Variants in TTN observed in about 807,000 individuals in gnomAD.
TTN encodes titin, also known as connectin.
TTN carries 1,525 observed loss-of-function variants against 3,223.0 expected under a neutral mutation model. The observed-to-expected ratio is 0.47, with a 90% CI of 0.45 to 0.49. The LOEUF is 0.49. TTN is among the 20% of genes least tolerant of loss of function. The pLI, the probability that TTN is intolerant of heterozygous loss-of-function variation, is 0.00. For synonymous variants in TTN, 14,094 were observed against 15,161.0 expected (o/e 0.93, Z 5.17); for missense variants, 40,786 against 43,424.0 (o/e 0.94, Z 5.40).
In TTN at chr2:178,560,259, C is replaced by T; in HGVS notation, c.85873G>A (p.Val28625Ile). 1 of 1,613,804 alleles carries T rather than the reference C, an allele frequency of 6.2e-7. No individual in the cohort carries two copies. Among genetic ancestry groups the T allele is most frequent in the Non-Finnish European group, 8.5e-7 (1 of 1,179,798 alleles). Residue 28625 changes from valine to isoleucine, a missense_variant, in exon 326 of 363, where the codon GTT becomes ATT. Physicochemically the swap from Val to Ile is conservative, Grantham distance 29. Coordinates refer to ENST00000589042, the MANE Select transcript of TTN (RefSeq NM_001267550.2). ...AGGCCAGCAGCATTTTCTGCATAAA[C>T]ACGATATTCATATTCACATCCTTCC... is the stretch of plus-strand genomic sequence containing the variant. ...LREGCEYEYR[V>I]YAENAAGLSL...
At chr2:178,554,242 G>C in intron 332 of TTN, 26 bp from the exon 333 acceptor site, 1 of 1,546,092 alleles carries the variant, frequency 6.5e-7, no homozygotes, top group Non-Finnish European at 8.7e-7. Context: ...GGGAAAACAA[G>C]GTACAAGAAT....
rs1288024478 is a variant in TTN at position 178,577,434 on chromosome 2, A to G, written c.68901T>C (p.Asn22967=). The G allele has an allele frequency of 6.2e-7, 1 of 1,610,166 alleles. No individual in the cohort carries two copies. Among genetic ancestry groups the G allele is most frequent in the Non-Finnish European group, 8.5e-7 (1 of 1,177,896 alleles). ...TIKAGDTIVL[N]AISILGKPLP... ...GGGGTTTGCCAAGAATGCTAATGGC[A>G]TTCAAAACAATGGTATCCCCTGCTT... The change falls in exon 324 of 363, where the codon AAT becomes AAC. Residue 22967 remains asparagine (N), a synonymous_variant. Transcript: ENST00000589042.
intron 361 of TTN, 161 bp downstream of exon 361, chr2:178,528,113 A>G (rs1171065087): frequency 2.5e-6 from 2 of 802,884 alleles, no homozygotes; most frequent in African/African-American, 3.5e-5. Flanking sequence ...GTGTAGCTAT[A>G]AAGAAAGTTT....
Position 178,685,570 on chromosome 2 carries a change from CACA to C in TTN, c.32337_32339del (p.Val10780del). On this transcript the variant is annotated inframe_deletion, in exon 128 of 363. Transcript: ENST00000589042. ...TAGAAATAATGTGCAGCTTTTCTTC[CACA>C]ACATATTCCTCAGGCTCTTCCATCA... The C allele has an allele frequency of 6.2e-7, 1 of 1,613,680 alleles. No homozygotes were observed. Among genetic ancestry groups the C allele is most frequent in the Non-Finnish European group, 8.5e-7 (1 of 1,179,766 alleles).
rs372618781 is a variant in TTN, at chr2:178,608,474, G to T, written c.52409C>A (p.Pro17470Gln). 2.1e-5 allele frequency: 33 copies of T among 1,578,158 alleles called. No homozygotes were observed. The South Asian group carries it at 2.2e-4, about 11-fold the overall frequency. ...AATGGGCTTATCTGGTGCATCAGGT[G>T]GTCCTGATAAAAAAATAACATTTGA... The part of the protein sequence containing the change: ...KPLVAKDPFG[P>Q]PDAPDKPIVE... Residue 17470 changes from proline (P) to glutamine (Q), a missense_variant, in exon 275 of 363, where the codon CCA becomes CAA. By Grantham distance (76) the Pro-to-Gln change is moderately conservative. Coordinates refer to ENST00000589042, the MANE Select transcript of TTN (RefSeq NM_001267550.2).
At position 178,542,881 on chromosome 2, in the gene TTN, C is replaced by G. The variant is rs1196060333; in HGVS notation, c.96973G>C (p.Glu32325Gln). 4 of 1,613,664 alleles carry G rather than the reference C, an allele frequency of 2.5e-6. No homozygotes were observed. Among genetic ancestry groups the G allele is most frequent in the Non-Finnish European group, 3.4e-6 (4 of 1,179,644 alleles). ...TIHVPAGRPVELVIPIAGRPP... is the reference protein window; with the variant it reads ...TIHVPAGRPVQLVIPIAGRPP... The stretch of plus-strand genomic sequence containing the variant: ...CGGCCAGCAATAGGTATCACCAGCT[C>G]TACTGGTCTGCCAGCTGGGACATGG... Residue 32325 changes from glutamate (E) to glutamine (Q), a missense_variant, in exon 348 of 363, where the codon GAG (glutamate) becomes CAG (glutamine). Physicochemically the swap from Glu to Gln is conservative, Grantham distance 29. Transcript: ENST00000589042.
At position 178,777,899 on chromosome 2, in the gene TTN, G is replaced by A; in HGVS notation, c.4285C>T (p.Pro1429Ser). The A allele has an allele frequency of 6.2e-7, 1 of 1,613,826 alleles. No individual in the cohort carries two copies. The highest frequency in any genetic ancestry group is 8.5e-7 in the Non-Finnish European group (1 of 1,179,806). ...PARMSPARMS[P>S]ARMSPARMSP... ...ATTCTTGCAGGGGACATCCGTGCAG[G>A]AGACATCCTTGCAGGTGACATCCGT... Residue 1429 changes from proline to serine, a missense_variant, in exon 25 of 363, where the codon CCT (proline) becomes TCT (serine). Coordinates refer to ENST00000589042, the MANE Select transcript of TTN (RefSeq NM_001267550.2).
chr2:178,571,969 C>T lies in TTN; in HGVS notation c.74163G>A (p.Leu24721=). The change falls in exon 326 of 363, where the codon CTG becomes CTA. Residue 24721 remains leucine (L), a synonymous_variant. Transcript: ENST00000589042. ...DLVIPPAFKL[L]FNTFTVLAGE... is the part of the protein sequence containing the mutation. ...CTGCCAGTACAGTGAAAGTATTGAACAGGAGTTTGAAGGCTGGTGGAATGA... is the reference window on the plus strand; with the variant it reads ...CTGCCAGTACAGTGAAAGTATTGAATAGGAGTTTGAAGGCTGGTGGAATGA... 1 of 1,613,212 alleles carries T rather than the reference C, an allele frequency of 6.2e-7. No individual in the cohort carries two copies.
rs1038148800 is a variant in TTN, at chr2:178,560,423, C to T, written c.85709G>A (p.Cys28570Tyr). 3 of 1,613,508 alleles carry T rather than the reference C, an allele frequency of 1.9e-6. No homozygotes were observed. The African/African-American group carries it at 4.0e-5, about 22-fold the overall frequency. ...TSVTKESMTL[C>Y]WSRPESDGGS... ...TCCATCACTCTCGGGTCTTGACCAG[C>T]AAAGTGTCATAGATTCTTTGGTCAC... is the stretch of plus-strand genomic sequence containing the variant. Residue 28570 changes from cysteine (C) to tyrosine (Y), a missense_variant, in exon 326 of 363, where the codon TGC becomes TAC. Coordinates refer to ENST00000589042, the MANE Select transcript of TTN (RefSeq NM_001267550.2).
chr2:178,610,430 A>G, intron 270 of TTN, 41 bp from the exon 271 acceptor site: 2 of 1,593,588 alleles, frequency 1.3e-6, no homozygotes, highest in Non-Finnish European at 1.7e-6. Context: ...ATCCTGAAAA[A>G]TCAGCATTTT....
At chr2:178,751,918 AG>A (rs2085644110) in intron 47 of TTN, 1 of 1,590,270 alleles carries the variant, frequency 6.3e-7, no homozygotes, top group African/African-American at 1.4e-5. Flanking sequence ...AGGAGCTTGT[AG>A]ATGATATTCT....
At position 178,624,708 on chromosome 2, in the gene TTN, G is replaced by A. The variant is rs763784981; in HGVS notation, c.44572C>T (p.Pro14858Ser). Reference protein sequence around the residue: ...VKEPPVEFTKPLEDQTVEEGA... With the variant: ...VKEPPVEFTKSLEDQTVEEGA... ...TCTTCGACCGTCTGGTCCTCAAGAGGCTTAGTGAATTCAACTGGGGGTTCT... is the reference window on the plus strand; with the variant it reads ...TCTTCGACCGTCTGGTCCTCAAGAGACTTAGTGAATTCAACTGGGGGTTCT... Residue 14858 changes from proline to serine, a missense_variant, in exon 242 of 363, where the codon CCT becomes TCT. Physicochemically the swap from Pro to Ser is moderately conservative, Grantham distance 74. Coordinates refer to ENST00000589042, the MANE Select transcript of TTN (RefSeq NM_001267550.2). 3.1e-6 allele frequency: 5 copies of A among 1,612,138 alleles called. No individual in the cohort carries two copies. Among genetic ancestry groups the A allele is most frequent in the Non-Finnish European group, 4.2e-6 (5 of 1,178,946 alleles).
chr2:178,644,494 G>A, intron 218 of TTN, 54 bp downstream of exon 218: 2 of 1,305,350 alleles, frequency 1.5e-6, no homozygotes, highest in African/African-American at 3.1e-5. Flanking sequence ...GAAAGAGCAA[G>A]GAGTCAGGTA....
At chr2:178,804,767 C>T (rs1044272912) in intron 1 of TTN, 112 bp from the exon 2 acceptor site, 2 of 954,736 alleles carry the variant, frequency 2.1e-6, no homozygotes, top group Admixed American at 2.0e-5. Context: ...CATAGGTCAT[C>T]TGTGGGCCTA....
rs1489045608 is a variant in TTN, at chr2:178,569,101, A to G, written c.77031T>C (p.Ala25677=). The change falls in exon 326 of 363, where the codon GCT becomes GCC. Residue 25677 remains alanine, a synonymous_variant. Transcript: ENST00000589042. ...EGCSYYFRVT[A]ENEYGIGLPA... ...GAAGGCCAATACCATACTCATTCTC[A>G]GCTGTGACTCTAAAGTAATAACTGC... The G allele has an allele frequency of 2.5e-6, 4 of 1,613,356 alleles. No individual in the cohort carries two copies. The African/African-American group carries it at 5.3e-5, about 22-fold the overall frequency.
intron 326 of TTN, 84 bp from the exon 327 acceptor site, chr2:178,558,721 A>C: frequency 7.2e-7 from 1 of 1,395,848 alleles, no homozygotes; most frequent in Non-Finnish European, 9.6e-7. Flanking sequence ...TCAAAAGAAA[A>C]CTTTTAAATG....
chr2:178,716,776 A>G (rs2077546718), intron 88 of TTN, among the ~76,000 whole-genome samples: 1 of 152,058 alleles, frequency 6.6e-6, no homozygotes, highest in South Asian at 2.1e-4. Flanking sequence ...ATTTGCAATA[A>G]CTTCGCTTTT....
At chr2:178,743,849 T>C (rs2154321352) in intron 47 of TTN, among the ~76,000 whole-genome samples, 1 of 152,164 alleles carries the variant, frequency 6.6e-6, no homozygotes, top group South Asian at 2.1e-4. Flanking sequence ...TCACAGATAT[T>C]GTGTGCTCAC....
At chr2:178,727,009 T>C (rs1405520844) in intron 69 of TTN, 81 bp downstream of exon 69, 8 of 1,254,826 alleles carry the variant, frequency 6.4e-6, no homozygotes, top group Non-Finnish European at 8.3e-6. Context: ...ACTAAAATGA[T>C]AGTAAATGAA....
Sources: allele counts gnomAD v4.1 joint callset (sites outside exome capture counted in the v4.1 genomes callset), GRCh38; gene constraint gnomAD v4.1.1; transcripts MANE v1.5; gene names NCBI Gene and HGNC (gene_info 2026-07-23, HGNC 2026-07-21).